The following WNK2 variants were observed in gnomAD, a reference collection of about 807,000 sequenced individuals.
WNK2 encodes the protein WNK lysine deficient protein kinase 2.
A neutral mutation model predicts 192.1 loss-of-function variants in WNK2; 67 were observed. That is an observed-to-expected ratio of 0.35 (90% CI 0.29 to 0.43). The LOEUF (loss-of-function observed/expected upper bound fraction) is 0.43, where lower values mean the gene tolerates loss of function less well. Ranked by LOEUF, WNK2 falls within the 20% of genes least tolerant of loss-of-function variation. WNK2 has a pLI of 1.00. For missense variants in WNK2, 2,698 were observed against 3,089.7 expected (o/e 0.87, Z 3.01); for synonymous variants, 1,439 against 1,393.9 (o/e 1.03, Z -0.72).
chr9:93,185,740 T>A, intron 2 of WNK2, 130 bp downstream of exon 2: 1 of 1,075,066 alleles, frequency 9.3e-7, no homozygotes, highest in Non-Finnish European at 1.3e-6. Flanking sequence ...TGTGTCACCC[T>A]CTGTGTGGAT....
intron 4 of WNK2, among the ~76,000 whole-genome samples, chr9:93,233,822 G>A (rs1285935538): frequency 6.6e-6 from 1 of 151,486 alleles, no homozygotes; most frequent in Non-Finnish European, 1.5e-5. Flanking sequence ...AAATTTTGAA[G>A]ACCTTCCAAA....
chr9:93,310,778 G>A (rs1375182332), intron 28 of WNK2, among the ~76,000 whole-genome samples: 1 of 152,164 alleles, frequency 6.6e-6, no homozygotes, highest in African/African-American at 2.4e-5. Flanking sequence ...TTTTCAAGGT[G>A]CATCCATGTT....
chr9:93,197,960 C>T (rs888684798), intron 2 of WNK2, among the ~76,000 whole-genome samples: 2 of 152,190 alleles, frequency 1.3e-5, no homozygotes, highest in Non-Finnish European at 2.9e-5. Flanking sequence ...AATGACCATG[C>T]TCACGTCAGT....
chr9:93,229,113 A>T lies in WNK2; in HGVS notation c.682-583A>T, dbSNP rs571799513. Reference sequence around the variant, plus strand: ...TGATTGGTTCTGCTGGCTTGTGCAGACACAGTGGCCCAAGGGTCTGGGGAG... The same window carrying T: ...TGATTGGTTCTGCTGGCTTGTGCAGTCACAGTGGCCCAAGGGTCTGGGGAG... On this transcript the variant is annotated intron_variant, in intron 2 of 29. Transcript: ENST00000427277. The surrounding 1 kb of genome is among the most constrained non-coding windows in gnomAD (Gnocchi z 4.9). 2.0e-5 allele frequency among the ~76,000 whole-genome samples: 3 copies of T among 152,292 alleles called. No individual in the cohort carries two copies. Among genetic ancestry groups the T allele is most frequent in the African/African-American group, 7.2e-5 (3 of 41,548 alleles).
intron 2 of WNK2, among the ~76,000 whole-genome samples, chr9:93,217,650 C>T (rs1025139773): frequency 1.3e-5 from 2 of 152,272 alleles, no homozygotes; most frequent in African/African-American, 4.8e-5. Flanking sequence ...CTCCTGTGGC[C>T]CTGATCTCAT....
intron 12 of WNK2, among the ~76,000 whole-genome samples, chr9:93,260,841 A>G (rs996743626): frequency 5.3e-5 from 8 of 152,204 alleles, no homozygotes; most frequent in African/African-American, 1.9e-4. Context: ...AGGTCTGTTT[A>G]TCAGAAGGCC....
At chr9:93,210,866 TG>T (rs1467750753) in intron 2 of WNK2, among the ~76,000 whole-genome samples, 1 of 152,166 alleles carries the variant, frequency 6.6e-6, no homozygotes, top group African/African-American at 2.4e-5. Flanking sequence ...CTCAAGGGTG[TG>T]TCCAGGGCCG....
At chr9:93,313,145 G>A (rs910749218) in intron 28 of WNK2, among the ~76,000 whole-genome samples, 1 of 151,848 alleles carries the variant, frequency 6.6e-6, no homozygotes, top group African/African-American at 2.4e-5. Context: ...TCAGTTCTTC[G>A]AGCACATTTA....
At chr9:93,252,790 T>C in intron 8 of WNK2, 93 bp from the exon 9 acceptor site, 1 of 1,191,172 alleles carries the variant, frequency 8.4e-7, no homozygotes, top group South Asian at 2.0e-5. Context: ...AAACAAGCCT[T>C]TATTTTGCAG....
At chr9:93,256,490 A>T in intron 10 of WNK2, 36 bp downstream of exon 10, 1 of 1,486,984 alleles carries the variant, frequency 6.7e-7, no homozygotes, top group Non-Finnish European at 8.9e-7. Flanking sequence ...CTGTCCCTCC[A>T]GGCAGGCAGT....
chr9:93,288,674 A>C, intron 19 of WNK2, 114 bp from the exon 20 acceptor site: 1 of 1,096,088 alleles, frequency 9.1e-7, no homozygotes, highest in East Asian at 2.7e-5. Flanking sequence ...AACAGAGAAG[A>C]CCAGCACGCT....
chr9:93,206,262 G>A (rs936942671), intron 2 of WNK2, among the ~76,000 whole-genome samples: 3 of 152,212 alleles, frequency 2.0e-5, no homozygotes, highest in Admixed American at 1.3e-4. Context: ...CCCCTTTTGA[G>A]CCCTCTGGTG....
intron 8 of WNK2, among the ~76,000 whole-genome samples, chr9:93,248,157 G>T (rs186791078): frequency 2.0e-5 from 3 of 152,268 alleles, no homozygotes; most frequent in Non-Finnish European, 4.4e-5. Context: ...GGGTGGTGGG[G>T]CCAGCAGACC....
chr9:93,316,542 C>G (rs1231351004), intron 28 of WNK2: 2 of 151,984 alleles, frequency 1.3e-5, no homozygotes, highest in East Asian at 1.9e-4. Flanking sequence ...CTTTAAATCT[C>G]CTTTTCCAGC....
Position 93,239,856 on chromosome 9 carries a change from C to T in WNK2, c.1422C>T (p.Ile474=), listed in dbSNP as rs1247063091. ...AGGACCACGGCAGGAAGTCCACCAT[C>T]GCCCTGAGGCTCTGGGTGGAAGACC... The part of the protein sequence containing the change: ...AEEDHGRKST[I]ALRLWVEDPK... Residue 474 remains isoleucine (I), a synonymous_variant, in exon 7 of 30, where the codon ATC becomes ATT. Transcript: ENST00000427277. The surrounding 1 kb of genome is among the most constrained non-coding windows in gnomAD (Gnocchi z 4.2). 3.7e-6 allele frequency: 6 copies of T among 1,601,076 alleles called. No homozygotes were observed. The highest frequency in any genetic ancestry group is 4.3e-6 in the Non-Finnish European group (5 of 1,174,274).
At chr9:93,317,955 T>C (rs1193350166) in intron 29 of WNK2, 1 of 1,612,264 alleles carries the variant, frequency 6.2e-7, no homozygotes, top group African/African-American at 1.3e-5. Flanking sequence ...GGCACAGCAC[T>C]CAGCCGCGAG....
intron 2 of WNK2, among the ~76,000 whole-genome samples, chr9:93,226,341 T>C (rs1482228396): frequency 1.3e-5 from 2 of 152,250 alleles, no homozygotes; most frequent in Non-Finnish European, 2.9e-5. Context: ...GTGTCTGTTC[T>C]TAGAACCCTT....
intron 26 of WNK2, among the ~76,000 whole-genome samples, chr9:93,305,628 A>G (rs1353457856): frequency 6.6e-6 from 1 of 152,184 alleles, no homozygotes; most frequent in Non-Finnish European, 1.5e-5. Context: ...AGGATGCACA[A>G]CTCAGGCCGA....
At chr9:93,236,719 G>A (rs1039106236) in intron 5 of WNK2, among the ~76,000 whole-genome samples, 19 of 152,102 alleles carry the variant, frequency 1.2e-4, no homozygotes, top group African/African-American at 4.1e-4. Context: ...GCACCCCCCC[G>A]CAACAAAGCC....
Sources: allele counts gnomAD v4.1 joint callset (sites outside exome capture counted in the v4.1 genomes callset), GRCh38; gene constraint gnomAD v4.1.1; non-coding constraint Gnocchi (gnomAD v3.1); transcripts MANE v1.5; gene names NCBI Gene and HGNC (gene_info 2026-07-23, HGNC 2026-07-21).